XKR4: variants seen among roughly 807,000 people sequenced by gnomAD.
XKR4 encodes the protein XK-related protein 4.
Under a neutral mutation model 53.9 loss-of-function variants are expected in XKR4, and 12 were observed. The ratio of observed to expected loss-of-function variants is 0.22; its 90% CI spans 0.14 to 0.36. XKR4 has a LOEUF of 0.36. XKR4 is among the 10% of genes least tolerant of loss of function. XKR4 has a pLI of 1.00. For missense variants in XKR4, 799 were observed against 859.5 expected (o/e 0.93, Z 0.88); for synonymous variants, 354 against 362.4 (o/e 0.98, Z 0.26).
At chr8:55,180,503 C>T (rs191604106) in intron 1 of XKR4, among the ~76,000 whole-genome samples, 1 of 152,250 alleles carries the variant, frequency 6.6e-6, no homozygotes, top group African/African-American at 2.4e-5. Flanking sequence ...ATTTTTCTAG[C>T]GTCACCAGGT....
intron 1 of XKR4, among the ~76,000 whole-genome samples, chr8:55,208,550 T>G (rs1817681314): frequency 6.6e-6 from 1 of 152,082 alleles, no homozygotes; most frequent in Non-Finnish European, 1.5e-5. Context: ...CACTGCAACC[T>G]CTGCCTCCCG....
chr8:55,536,509 T>C lies in XKR4; in HGVS notation c.*12282T>C, dbSNP rs1263859975. ...CAAGTGGTAAATTTGGTCTTCATGA[T>C]ATCAAACATACGGATATTTGGAAAA... On this transcript the variant is annotated 3_prime_UTR_variant, in exon 3 of 3. Coordinates refer to ENST00000327381, the MANE Select transcript of XKR4 (RefSeq NM_052898.2). 6.6e-6 allele frequency: 1 copy of C among 152,240 alleles called. No homozygotes were observed. Among genetic ancestry groups the C allele is most frequent in the Non-Finnish European group, 1.5e-5 (1 of 68,040 alleles). The allele number at this position is 152,240 out of a possible 1,614,324, so 9.4% of individuals were successfully genotyped here. A position where few individuals can be genotyped will look rare whatever the true frequency, so the allele number is the denominator to read the frequency against.
At chr8:55,180,863 T>G (rs1470735084) in intron 1 of XKR4, among the ~76,000 whole-genome samples, 1 of 152,204 alleles carries the variant, frequency 6.6e-6, no homozygotes, top group African/African-American at 2.4e-5. Flanking sequence ...AAATTATTTC[T>G]TTCTCACTAG....
intron 2 of XKR4, chr8:55,454,467 G>T: frequency 8.5e-7 from 1 of 1,176,764 alleles, no homozygotes; most frequent in Non-Finnish European, 1.2e-6. Flanking sequence ...AGAACCTCGT[G>T]CTCCATGAGG....
chr8:55,451,869 G>A lies in XKR4; in HGVS notation c.1007-71412G>A, dbSNP rs138939179. 1.6e-3 allele frequency: 1,361 copies of A among 859,728 alleles called. 11 individuals carry two copies. In the African/African-American group the frequency reaches 0.019, roughly 12 times the overall value. 53.3% of individuals were successfully genotyped at this position (859,728 alleles called of 1,614,324 possible). On this transcript the variant is annotated intron_variant, in intron 2 of 2. Transcript: ENST00000327381. ...CCGAGGGCTTCAAGGCTGAGGACGG[G>A]GTCAGTGTGCTGGGCTCCAGCTCTT...
rs768817540 is a variant in XKR4 at position 55,357,774 on chromosome 8, T to C, written c.903T>C (p.Asp301=). 3 of 1,614,162 alleles carry C rather than the reference T, an allele frequency of 1.9e-6. No homozygotes were observed. Among genetic ancestry groups the C allele is most frequent in the South Asian group, 1.1e-5 (1 of 91,082 alleles). ...GGAAAATGGTATATGAGTATGCGGATGTGAGTATGCTGCATTTGCTAGCCA... is the reference window on the plus strand; with the variant it reads ...GGAAAATGGTATATGAGTATGCGGACGTGAGTATGCTGCATTTGCTAGCCA... ...FYWKMVYEYA[D]VSMLHLLATF... The change falls in exon 2 of 3, where the codon GAT becomes GAC. Residue 301 remains aspartate (D), a synonymous_variant. Coordinates refer to ENST00000327381, the MANE Select transcript of XKR4 (RefSeq NM_052898.2).
At chr8:55,201,008 C>A (rs1253240187) in intron 1 of XKR4, among the ~76,000 whole-genome samples, 5 of 152,116 alleles carry the variant, frequency 3.3e-5, no homozygotes, top group Non-Finnish European at 7.3e-5. Context: ...GAAGCATTTC[C>A]TGCCAGTGGA....
intron 1 of XKR4, among the ~76,000 whole-genome samples, chr8:55,145,337 T>G (rs1816758354): frequency 6.6e-6 from 1 of 152,274 alleles, no homozygotes; most frequent in East Asian, 1.9e-4. Flanking sequence ...ATGAAGCCAT[T>G]CTTAATACTT....
At chr8:55,386,314 A>G (rs933166256) in intron 2 of XKR4, among the ~76,000 whole-genome samples, 4 of 152,202 alleles carry the variant, frequency 2.6e-5, no homozygotes, top group Non-Finnish European at 4.4e-5. Context: ...GGGATGCAGC[A>G]AGCCTGAGAG....
intron 2 of XKR4, among the ~76,000 whole-genome samples, chr8:55,413,081 T>C (rs779679153): frequency 3.3e-5 from 5 of 152,258 alleles, no homozygotes; most frequent in Non-Finnish European, 5.9e-5. Flanking sequence ...GACATCCTTC[T>C]TGTGTCCAGT....
At chr8:55,494,433 T>G (rs1358206454) in intron 2 of XKR4, among the ~76,000 whole-genome samples, 1 of 152,244 alleles carries the variant, frequency 6.6e-6, no homozygotes, top group East Asian at 1.9e-4. Context: ...CTGTTTGTGT[T>G]ACAGCTCTTT....
intron 1 of XKR4, among the ~76,000 whole-genome samples, chr8:55,132,778 G>A (rs978486540): frequency 6.6e-6 from 1 of 152,196 alleles, no homozygotes; most frequent in Non-Finnish European, 1.5e-5. Context: ...GAGGAGTGGT[G>A]CATCCAGGAT....
chr8:55,109,447 T>C (rs1816202733), intron 1 of XKR4, among the ~76,000 whole-genome samples: 1 of 152,216 alleles, frequency 6.6e-6, no homozygotes, highest in African/African-American at 2.4e-5. Flanking sequence ...GTATCTTCCC[T>C]GGAGCATCAC....
At chr8:55,428,232 A>G (rs1338040941) in intron 2 of XKR4, among the ~76,000 whole-genome samples, 1 of 152,230 alleles carries the variant, frequency 6.6e-6, no homozygotes, top group African/African-American at 2.4e-5. Flanking sequence ...TAGCAAGACC[A>G]GACAGGGACT....
chr8:55,339,132 C>T (rs1266949490), intron 1 of XKR4, among the ~76,000 whole-genome samples: 3 of 152,136 alleles, frequency 2.0e-5, no homozygotes, highest in African/African-American at 4.8e-5. Flanking sequence ...GAGTAACTGA[C>T]AAATTTTCCT....
At chr8:55,493,533 A>G (rs1806300075) in intron 2 of XKR4, among the ~76,000 whole-genome samples, 1 of 152,274 alleles carries the variant, frequency 6.6e-6, no homozygotes, top group East Asian at 1.9e-4. Flanking sequence ...TGCAGTTTGC[A>G]GGTTTCCAGC....
intron 2 of XKR4, among the ~76,000 whole-genome samples, chr8:55,396,353 G>A (rs1015591788): frequency 6.6e-6 from 1 of 151,346 alleles, no homozygotes; most frequent in African/African-American, 2.4e-5. Context: ...CATTTTGTTG[G>A]GACAGAGGGC....
At chr8:55,242,382 G>A (rs1043476265) in intron 1 of XKR4, among the ~76,000 whole-genome samples, 1 of 152,128 alleles carries the variant, frequency 6.6e-6, no homozygotes, top group African/African-American at 2.4e-5. Context: ...TGCCACATCA[G>A]CGTTTATCAT....
At chr8:55,198,162 T>C (rs1817529741) in intron 1 of XKR4, among the ~76,000 whole-genome samples, 1 of 152,210 alleles carries the variant, frequency 6.6e-6, no homozygotes, top group Non-Finnish European at 1.5e-5. Flanking sequence ...GCAGAATTCC[T>C]CTGCCTGTGC....
Sources: gnomAD v4.1 joint callset for allele counts (sites outside exome capture counted in the v4.1 genomes callset) on GRCh38, gnomAD v4.1.1 for gene constraint, MANE v1.5 for transcripts, NCBI Gene and HGNC (gene_info 2026-07-23, HGNC 2026-07-21) for gene names.